The following ABCC6 variants were observed in gnomAD, a reference collection of about 807,000 sequenced individuals.
ABCC6 encodes ATP binding cassette subfamily C member 6.
A neutral mutation model predicts 169.5 loss-of-function variants in ABCC6; 126 were observed. The ratio of observed to expected loss-of-function variants is 0.74; its 90% confidence interval spans 0.64 to 0.86. The LOEUF is 0.86. Among genes scored for constraint, ABCC6 ranks in the 40% least tolerant of loss-of-function variants. ABCC6 has a pLI of 0.00. For missense variants in ABCC6, 1,733 were observed against 1,927.2 expected, an observed-to-expected ratio of 0.90 and a Z score of 1.89; for synonymous variants, 752 against 814.7, an observed-to-expected ratio of 0.92 and a Z score of 1.31.
chr16:16,188,793 C>T lies in ABCC6; in HGVS notation c.1779+38G>A, dbSNP rs147783251. 2.6e-4 allele frequency: 412 copies of T among 1,602,598 alleles called. 1 individual carries two copies. In the African/African-American group the frequency reaches 4.7e-3, roughly 18 times the overall value. On this transcript the variant is annotated intron_variant, in intron 13 of 30. Transcript: ENST00000205557. ...GCTGGAGCCAGGTGTAGCCCACGCACTCTCCCAGGATGGCTCCAGCCCTTG... is the reference window on the plus strand; with the variant it reads ...GCTGGAGCCAGGTGTAGCCCACGCATTCTCCCAGGATGGCTCCAGCCCTTG...
At chr16:16,197,885 C>G (rs1289647045) in intron 10 of ABCC6, 136 bp downstream of exon 10, 4 of 1,061,058 alleles carry the variant, frequency 3.8e-6, no homozygotes, top group Non-Finnish European at 5.5e-6. Flanking sequence ...TTGCCCTAAC[C>G]CTGGGGTCAC....
chr16:16,189,223 G>C (rs1449906712), intron 12 of ABCC6, among the ~76,000 whole-genome samples: 1 of 152,172 alleles, frequency 6.6e-6, no homozygotes, highest in Non-Finnish European at 1.5e-5. Flanking sequence ...ACGGCTCTAG[G>C]CATCACTAGA....
At position 16,185,068 on chromosome 16, in the gene ABCC6, C is replaced by T. The variant is rs2047605197; in HGVS notation, c.1868-34G>A. 4 of 1,597,386 alleles carry T rather than the reference C, an allele frequency of 2.5e-6. No individual in the cohort carries two copies. In the African/African-American group the frequency reaches 4.0e-5, roughly 16 times the overall value. ...CACAAGAGGCCATTTACAGGAGACC[C>T]CTGACCTGGCCGGCCTCTGCATCGG... On this transcript the variant is annotated intron_variant, in intron 14 of 30. Coordinates refer to ENST00000205557, the MANE Select transcript of ABCC6 (RefSeq NM_001171.6).
chr16:16,217,604 G>T (rs553727817), intron 4 of ABCC6, among the ~76,000 whole-genome samples: 53 of 152,338 alleles, frequency 3.5e-4, no homozygotes, highest in African/African-American at 9.4e-4. Flanking sequence ...ATCCAGTGAG[G>T]AGACGTGTGT....
At chr16:16,155,979 G>A (rs1005515791) in intron 27 of ABCC6, among the ~76,000 whole-genome samples, 1 of 152,086 alleles carries the variant, frequency 6.6e-6, no homozygotes, top group Non-Finnish European at 1.5e-5. Flanking sequence ...GCAGTGGTGC[G>A]ATCTCAGCTC....
In ABCC6 at chr16:16,201,991, C is replaced by T; in HGVS notation, c.1176+10G>A. The T allele has an allele frequency of 6.2e-7, 1 of 1,613,982 alleles. No individual in the cohort carries two copies. Among genetic ancestry groups the T allele is most frequent in the Non-Finnish European group, 8.5e-7 (1 of 1,179,864 alleles). Reference sequence around the variant, plus strand: ...GCTGGGAAGACCTGCCCTTGTCCCCCAGGGCTCACCTTTCTGTACACCAGG... The same window carrying T: ...GCTGGGAAGACCTGCCCTTGTCCCCTAGGGCTCACCTTTCTGTACACCAGG... On this transcript the variant is annotated intron_variant, in intron 9 of 30. Transcript: ENST00000205557.
rs1341436167 is a variant in ABCC6 at position 16,222,040 on chromosome 16, TG to T, written c.37-210del. On this transcript the variant is annotated intron_variant, in intron 1 of 30. Coordinates refer to ENST00000205557, the MANE Select transcript of ABCC6 (RefSeq NM_001171.6). The stretch of plus-strand genomic sequence containing the variant: ...TATATTGATTTGCAGATGAAGAAGC[TG>T]AGGACCAGAGAGGTTGAGTAACTTT... 7.2e-5 allele frequency among the ~76,000 whole-genome samples: 11 copies of T among 152,300 alleles called. No homozygotes were observed. The East Asian group carries it at 1.7e-3, about 24-fold the overall frequency.
chr16:16,190,126 C>G (rs774513185), intron 12 of ABCC6, 38 bp downstream of exon 12: 2 of 1,609,518 alleles, frequency 1.2e-6, no homozygotes, highest in South Asian at 1.1e-5. Flanking sequence ...GCACTCCTTC[C>G]CCAGTGCTGC....
intron 13 of ABCC6, among the ~76,000 whole-genome samples, chr16:16,187,815 T>C: frequency 6.6e-6 from 1 of 151,946 alleles, no homozygotes; most frequent in Non-Finnish European, 1.5e-5. Flanking sequence ...AAGCATCACT[T>C]GAGTCCAGGA....
At position 16,169,793 on chromosome 16, in the gene ABCC6, C is replaced by G; in HGVS notation, c.2848G>C (p.Ala950Pro). Reference protein sequence around the residue: ...RAVGTPLCLYALFLFLCQQVA... With the variant: ...RAVGTPLCLYPLFLFLCQQVA... ...TGCTGGCAGAGGAAGAGGAAGAGTGCGTAGAGGCAGAGGGGGGTGCCCACG... is the reference window on the plus strand; with the variant it reads ...TGCTGGCAGAGGAAGAGGAAGAGTGGGTAGAGGCAGAGGGGGGTGCCCACG... The change falls in exon 22 of 31, where the codon GCA (alanine) becomes CCA (proline). Residue 950 changes from alanine (A) to proline (P), a missense_variant. This residue lies in a region of ABCC6 where 1,601 missense variants were observed against 1,635.5 expected (regional missense o/e 0.98). Coordinates refer to ENST00000205557, the MANE Select transcript of ABCC6 (RefSeq NM_001171.6). 6.3e-7 allele frequency: 1 copy of G among 1,579,638 alleles called. No individual in the cohort carries two copies. Among genetic ancestry groups the G allele is most frequent in the South Asian group, 1.2e-5 (1 of 86,814 alleles).
chr16:16,211,849 A>G (rs2152293213), intron 6 of ABCC6, among the ~76,000 whole-genome samples: 2 of 152,152 alleles, frequency 1.3e-5, no homozygotes, highest in South Asian at 4.1e-4. Context: ...TCTAATTACT[A>G]TTAAGCACCC....
At chr16:16,206,873 A>G (rs1408261144) in intron 7 of ABCC6, among the ~76,000 whole-genome samples, 1 of 152,194 alleles carries the variant, frequency 6.6e-6, no homozygotes, top group Non-Finnish European at 1.5e-5. Flanking sequence ...GCAGTAGCTC[A>G]CATCTGTAAT....
At chr16:16,171,349 G>A (rs527268409) in intron 21 of ABCC6, among the ~76,000 whole-genome samples, 25 of 152,146 alleles carry the variant, frequency 1.6e-4, no homozygotes, top group Non-Finnish European at 2.4e-4. Flanking sequence ...CTCTGAAAGT[G>A]TTGGGATTAC....
At chr16:16,217,371 T>C (rs1167507122) in intron 4 of ABCC6, among the ~76,000 whole-genome samples, 6 of 152,356 alleles carry the variant, frequency 3.9e-5, no homozygotes, top group Non-Finnish European at 5.9e-5. Flanking sequence ...CGTCATTCCC[T>C]TCTCCTAGCC....
chr16:16,155,231 T>TATC lies in ABCC6; in HGVS notation c.3883-203_3883-201dup, dbSNP rs1022364671. On this transcript the variant is annotated intron_variant, in intron 27 of 30. Coordinates refer to ENST00000205557, the MANE Select transcript of ABCC6 (RefSeq NM_001171.6). ...CCAGTCTTCCATCTGTGTTCTTCTC[T>TATC]ATCTTTCCCTTATCCTGATATCTCT... The TATC allele has an allele frequency of 8.5e-5, 55 of 644,692 alleles. No individual in the cohort carries two copies. In the Middle Eastern group the frequency reaches 1.8e-3, roughly 21 times the overall value. The allele number at this position is 644,692 out of a possible 1,614,324, so 39.9% of individuals were successfully genotyped here. A position where few individuals can be genotyped will look rare whatever the true frequency, so the allele number is the denominator to read the frequency against.
In ABCC6 at chr16:16,183,003, G is replaced by C. The variant is rs2047531461; in HGVS notation, c.1944-73C>G. On this transcript the variant is annotated intron_variant, in intron 15 of 30. Transcript: ENST00000205557. ...CCTCTGTGAGGAAGGATGAGCCCCA[G>C]ACGGAGCTGAGCTTTCCTGCTCTGG... The C allele has an allele frequency of 2.5e-6, 4 of 1,612,064 alleles. No homozygotes were observed. In the African/African-American group the frequency reaches 5.3e-5, roughly 21 times the overall value.
At chr16:16,166,211 G>A (rs1022142027) in intron 22 of ABCC6, among the ~76,000 whole-genome samples, 19 of 152,066 alleles carry the variant, frequency 1.2e-4, no homozygotes, top group African/African-American at 2.9e-4. Context: ...CACCATGCCG[G>A]CTAATTTGGG....
At chr16:16,166,288 A>G (rs1409773256) in intron 22 of ABCC6, among the ~76,000 whole-genome samples, 3 of 151,908 alleles carry the variant, frequency 2.0e-5, no homozygotes. Flanking sequence ...GGATCAAGTG[A>G]TCTGCCTGCC....
At chr16:16,202,384 C>T (rs565140336) in intron 8 of ABCC6, among the ~76,000 whole-genome samples, 1 of 151,994 alleles carries the variant, frequency 6.6e-6, no homozygotes, top group Admixed American at 6.6e-5. Context: ...ACTGCAGCTC[C>T]TCAAGATCAA....
Sources: allele counts gnomAD v4.1 joint callset (sites outside exome capture counted in the v4.1 genomes callset), GRCh38; gene constraint gnomAD v4.1.1; regional missense constraint gnomAD v4.1.1; transcripts MANE v1.5; gene names NCBI Gene and HGNC (gene_info 2026-07-23, HGNC 2026-07-21).